Variants in PLXNA4 observed in about 807,000 individuals in gnomAD.
PLXNA4 encodes the protein plexin A4.
Under a neutral mutation model 191.8 loss-of-function variants are expected in PLXNA4, and 44 were observed. That is an observed-to-expected ratio of 0.23 (90% confidence interval 0.18 to 0.29). PLXNA4 has a LOEUF of 0.29. PLXNA4 is among the 10% of genes least tolerant of loss of function. The probability of loss-of-function intolerance (pLI) is 1.00; values close to 1 mark genes in which losing one functional copy is unlikely to be tolerated. For synonymous variants in PLXNA4, 1,082 were observed against 1,009.5 expected (o/e 1.07, Z -1.36); for missense variants, 1,800 against 2,488.8 (o/e 0.72, Z 5.89).
intron 1 of PLXNA4, among the ~76,000 whole-genome samples, chr7:132,563,110 C>T (rs1321573393): frequency 5.8e-4 from 23 of 39,396 alleles, no homozygotes; most frequent in East Asian, 2.4e-3. Context: ...CTCCTCCTCT[C>T]CCTCCTCCTC....
intron 25 of PLXNA4, among the ~76,000 whole-genome samples, chr7:132,153,572 C>T (rs562381874): frequency 2.2e-4 from 33 of 152,164 alleles, no homozygotes; most frequent in Non-Finnish European, 3.7e-4. Flanking sequence ...GTAGGGGGAC[C>T]CTGGCCTGCC....
intron 3 of PLXNA4, among the ~76,000 whole-genome samples, chr7:132,370,031 G>A (rs1804366197): frequency 6.7e-6 from 1 of 148,374 alleles, no homozygotes; most frequent in Non-Finnish European, 1.5e-5. Context: ...TCGCACCACT[G>A]CACTCCAGCC....
intron 1 of PLXNA4, among the ~76,000 whole-genome samples, chr7:132,647,448 CACTT>C (rs374341715): frequency 2.0e-4 from 31 of 152,234 alleles, no homozygotes; most frequent in African/African-American, 3.9e-4. Flanking sequence ...TGCACTCACA[CACTT>C]ACATACACAG....
intron 3 of PLXNA4, among the ~76,000 whole-genome samples, chr7:132,387,373 C>T (rs1805194547): frequency 6.6e-6 from 1 of 152,228 alleles, no homozygotes; most frequent in Admixed American, 6.5e-5. Flanking sequence ...TCCACTCAAC[C>T]TTCACGATGT....
At chr7:132,509,748 T>C (rs890384178) in intron 1 of PLXNA4, among the ~76,000 whole-genome samples, 2 of 152,188 alleles carry the variant, frequency 1.3e-5, no homozygotes, top group African/African-American at 4.8e-5. Flanking sequence ...TCCAGTTCTC[T>C]GTGTCTGTAC....
rs1426779184 is a variant in PLXNA4, at chr7:132,507,783, C to T, written c.911G>A (p.Gly304Glu). 3.1e-6 allele frequency: 5 copies of T among 1,614,030 alleles called. No homozygotes were observed. Among genetic ancestry groups the T allele is most frequent in the Non-Finnish European group, 4.2e-6 (5 of 1,180,050 alleles). ...AGCCTGCAGCAGGCGGTACTCCACC[C>T]CACTGCGCTCACAGCCAATGGGCAC... ...VEVPIGCERS[G>E]VEYRLLQAAY... The change falls in exon 2 of 32, where the codon GGG becomes GAG. Residue 304 changes from glycine (G) to glutamate (E), a missense_variant. Coordinates refer to ENST00000321063, the MANE Select transcript of PLXNA4 (RefSeq NM_020911.2).
At chr7:132,537,937 C>T (rs544572626) in intron 1 of PLXNA4, among the ~76,000 whole-genome samples, 98 of 152,230 alleles carry the variant, frequency 6.4e-4, no homozygotes, top group Non-Finnish European at 1.2e-3. Context: ...ATTTATCAAA[C>T]CAGCAGAGGG....
At position 132,348,821 on chromosome 7, in the gene PLXNA4, C is replaced by A. The variant is rs116151957; in HGVS notation, c.1372-50599G>T. ...GTTAGCTCAGGCCAATGGGAGCCCACCTCAGGTCCTAGGGGTAGAGGCAAT... is the reference window on the plus strand; with the variant it reads ...GTTAGCTCAGGCCAATGGGAGCCCAACTCAGGTCCTAGGGGTAGAGGCAAT... On this transcript the variant is annotated intron_variant, in intron 3 of 31. Coordinates refer to ENST00000321063, the MANE Select transcript of PLXNA4 (RefSeq NM_020911.2). Among the ~76,000 whole-genome samples the A allele has an allele frequency of 7.0e-3, 1,071 of 152,320 alleles. 12 individuals are homozygous for A. The highest frequency in any genetic ancestry group is 0.024 in the African/African-American group (1,018 of 41,564).
At chr7:132,286,761 T>G (rs187830409) in intron 4 of PLXNA4, among the ~76,000 whole-genome samples, 2 of 152,290 alleles carry the variant, frequency 1.3e-5, no homozygotes, top group East Asian at 3.9e-4. Flanking sequence ...GGATTCAGAC[T>G]CCTTCCCTGG....
At chr7:132,606,475 G>A (rs1348254599) in intron 2 of PLXNA4, among the ~76,000 whole-genome samples, 3 of 152,180 alleles carry the variant, frequency 2.0e-5, no homozygotes, top group Non-Finnish European at 2.9e-5. Context: ...GTAAGCACAC[G>A]TTCTATACAT....
At chr7:132,414,899 C>A (rs1203820278) in intron 3 of PLXNA4, among the ~76,000 whole-genome samples, 1 of 152,164 alleles carries the variant, frequency 6.6e-6, no homozygotes. Flanking sequence ...CTAGTTGTAA[C>A]TACAAATTCT....
chr7:132,344,062 C>A (rs982519046), intron 3 of PLXNA4, among the ~76,000 whole-genome samples: 1 of 152,180 alleles, frequency 6.6e-6, no homozygotes, highest in African/African-American at 2.4e-5. Context: ...TACCCAATGG[C>A]CAACTTGAAT....
chr7:132,305,296 C>G (rs941811343), intron 3 of PLXNA4, among the ~76,000 whole-genome samples: 1 of 151,982 alleles, frequency 6.6e-6, no homozygotes, highest in Non-Finnish European at 1.5e-5. Context: ...CTGTGCCACA[C>G]AGAAACCTCC....
At chr7:132,569,150 G>A (rs1482627116) in intron 1 of PLXNA4, among the ~76,000 whole-genome samples, 1 of 152,190 alleles carries the variant, frequency 6.6e-6, no homozygotes, top group Non-Finnish European at 1.5e-5. Context: ...TGCTGGCTGT[G>A]CCTCACCACC....
At chr7:132,166,622 A>G (rs1387555138) in intron 22 of PLXNA4, among the ~76,000 whole-genome samples, 1 of 151,932 alleles carries the variant, frequency 6.6e-6, no homozygotes, top group African/African-American at 2.4e-5. Context: ...AAGAAGGAAC[A>G]TTGAAAGGAG....
At chr7:132,196,591 AT>A (rs781583691) in intron 13 of PLXNA4, among the ~76,000 whole-genome samples, 3 of 152,252 alleles carry the variant, frequency 2.0e-5, no homozygotes, top group Non-Finnish European at 4.4e-5. Context: ...TGAAATAAAC[AT>A]TCTTGAAAAT....
At chr7:132,188,445 A>G (rs879925372) in intron 14 of PLXNA4, among the ~76,000 whole-genome samples, 1 of 152,210 alleles carries the variant, frequency 6.6e-6, no homozygotes, top group Non-Finnish European at 1.5e-5. Flanking sequence ...TAAAGAATTC[A>G]GCACCAAAAG....
At chr7:132,236,144 T>C (rs543048801) in intron 5 of PLXNA4, among the ~76,000 whole-genome samples, 40 of 152,270 alleles carry the variant, frequency 2.6e-4, no homozygotes, top group African/African-American at 9.4e-4. Context: ...TTAAGCATGT[T>C]TTGTGCAACC....
chr7:132,600,329 T>C (rs747510766), intron 2 of PLXNA4, among the ~76,000 whole-genome samples: 5 of 152,158 alleles, frequency 3.3e-5, no homozygotes, highest in Non-Finnish European at 5.9e-5. Flanking sequence ...CTTCAATTTC[T>C]TTAATATTTT....
Sources: allele counts gnomAD v4.1 joint callset (sites outside exome capture counted in the v4.1 genomes callset), GRCh38; gene constraint gnomAD v4.1.1; transcripts MANE v1.5; gene names NCBI Gene and HGNC (gene_info 2026-07-23, HGNC 2026-07-21).